Variants in KLHL32 observed in about 807,000 individuals in gnomAD.
KLHL32 encodes kelch like family member 32, also known as kelch-like protein 32.
Under a neutral mutation model 64.8 loss-of-function variants are expected in KLHL32, and 35 were observed. The observed-to-expected ratio is 0.54, with a 90% CI of 0.41 to 0.72. The LOEUF (loss-of-function observed/expected upper bound fraction) is 0.72. Among genes scored for constraint, KLHL32 ranks in the 30% least tolerant of loss-of-function variants. The pLI is 0.00. For missense variants in KLHL32, 589 were observed against 768.5 expected (o/e 0.77, Z 2.76); for synonymous variants, 259 against 281.0 (o/e 0.92, Z 0.78).
At position 96,973,730 on chromosome 6, in the gene KLHL32, C is replaced by CTTTTTTT. The variant is rs558193523; in HGVS notation, c.24-2262_24-2256dup. Among the ~76,000 whole-genome samples, 279 of 118,274 alleles carry CTTTTTTT rather than the reference C, an allele frequency of 2.4e-3. 14 individuals are homozygous for CTTTTTTT. The highest frequency in any genetic ancestry group is 7.0e-3 in the African/African-American group (214 of 30,776). 77.6% of individuals were successfully genotyped at this position (118,274 alleles called of 152,430 possible). On this transcript the variant is annotated intron_variant, in intron 2 of 10. Coordinates refer to ENST00000369261, the MANE Select transcript of KLHL32 (RefSeq NM_052904.4). ...GATTTTTGAGATCTTTACAGATTGC[C>CTTTTTTT]TTTTTTTTTTTAGACAGAGTCTCGC...
intron 4 of KLHL32, among the ~76,000 whole-genome samples, chr6:97,063,276 T>C (rs1789200636): frequency 6.6e-6 from 1 of 152,190 alleles, no homozygotes; most frequent in Non-Finnish European, 1.5e-5. Context: ...TCCGAAACTA[T>C]TTTGAAGATA....
At chr6:96,958,388 T>C (rs1432617147) in intron 1 of KLHL32, among the ~76,000 whole-genome samples, 1 of 152,092 alleles carries the variant, frequency 6.6e-6, no homozygotes, top group Non-Finnish European at 1.5e-5. Context: ...ATCTGAAACC[T>C]GCAGGATGAA....
intron 3 of KLHL32, 47 bp downstream of exon 3, chr6:96,976,224 A>G: frequency 2.7e-6 from 4 of 1,467,564 alleles, no homozygotes; most frequent in Non-Finnish European, 3.7e-6. Context: ...TAAAGAGAGG[A>G]TGACAATGTT....
chr6:96,904,526 G>A, the KLHL32 span, among the ~76,000 whole-genome samples: 1 of 152,130 alleles, frequency 6.6e-6, no homozygotes, highest in African/African-American at 2.4e-5. Context: ...AGACATACCA[G>A]GTTCCTTGAT....
chr6:96,991,282 G>C (rs370243164), intron 3 of KLHL32, among the ~76,000 whole-genome samples: 196 of 152,246 alleles, frequency 1.3e-3, no homozygotes, highest in African/African-American at 4.4e-3. Context: ...AGCTGGGGGT[G>C]GGGTGTCTGC....
chr6:97,107,441 T>A (rs1306305312), intron 6 of KLHL32, among the ~76,000 whole-genome samples: 1 of 152,242 alleles, frequency 6.6e-6, no homozygotes, highest in Non-Finnish European at 1.5e-5. Context: ...GCTTTTCTGC[T>A]AATTCATTGT....
the KLHL32 span, among the ~76,000 whole-genome samples, chr6:96,910,885 T>C: frequency 6.6e-6 from 1 of 152,208 alleles, no homozygotes; most frequent in Non-Finnish European, 1.5e-5. Flanking sequence ...GGATAATTAA[T>C]TGCCAATTTT....
intron 7 of KLHL32, among the ~76,000 whole-genome samples, chr6:97,124,245 C>T (rs1242675450): frequency 6.6e-6 from 1 of 152,180 alleles, no homozygotes; most frequent in Non-Finnish European, 1.5e-5. Flanking sequence ...TTGTTAGGCA[C>T]CTCCTGTGGT....
At chr6:97,084,986 CT>C (rs111594320) in intron 5 of KLHL32, 139 bp from the exon 6 acceptor site, 37,675 of 444,218 alleles carry the variant, frequency 0.085, no homozygotes, top group Middle Eastern at 0.13. Flanking sequence ...ATTGTGATTT[CT>C]TTTTTTTTTT....
rs573363387 is a variant in KLHL32 at position 96,946,985 on chromosome 6, G to T, written c.-65-20011G>T. On this transcript the variant is annotated intron_variant, in intron 1 of 10. Transcript: ENST00000369261. ...TATTTAATTCTAAACTTCCTTAGTA[G>T]TCATTGTGAAAAAAGCAGCTTGATT... is the stretch of plus-strand genomic sequence containing the variant. Among the ~76,000 whole-genome samples, 225 of 152,276 alleles carry T rather than the reference G, an allele frequency of 1.5e-3. 1 individual carries two copies. Among genetic ancestry groups the T allele is most frequent in the Non-Finnish European group, 2.8e-3 (191 of 68,022 alleles).
At chr6:97,061,493 G>T (rs771640256) in intron 4 of KLHL32, among the ~76,000 whole-genome samples, 1 of 152,152 alleles carries the variant, frequency 6.6e-6, no homozygotes, top group Non-Finnish European at 1.5e-5. Context: ...GTGACTGGAT[G>T]TGTCAGGCCA....
intron 3 of KLHL32, among the ~76,000 whole-genome samples, chr6:96,980,727 T>C (rs374068275): frequency 6.6e-6 from 1 of 152,140 alleles, no homozygotes; most frequent in African/African-American, 2.4e-5. Flanking sequence ...GTAGTTTTAG[T>C]AGGAATTGTA....
At chr6:97,113,697 A>T (rs1797475644) in intron 6 of KLHL32, 86 bp from the exon 7 acceptor site, 1 of 1,442,066 alleles carries the variant, frequency 6.9e-7, no homozygotes, top group Admixed American at 2.0e-5. Flanking sequence ...TGCCTGGAAG[A>T]ATACAGGTAA....
At chr6:96,999,776 T>A (rs545208260) in intron 3 of KLHL32, among the ~76,000 whole-genome samples, 1 of 152,244 alleles carries the variant, frequency 6.6e-6, no homozygotes, top group Non-Finnish European at 1.5e-5. Flanking sequence ...GCTTCTTTAT[T>A]ATGGTTCTTA....
chr6:96,919,923 G>C (rs1465454023), upstream of KLHL32, among the ~76,000 whole-genome samples: 1 of 152,204 alleles, frequency 6.6e-6, no homozygotes, highest in Non-Finnish European at 1.5e-5. Flanking sequence ...ACTTGCCTCA[G>C]TGGAGGGATA....
At chr6:97,081,065 A>T (rs1465333021) in intron 5 of KLHL32, among the ~76,000 whole-genome samples, 2 of 152,166 alleles carry the variant, frequency 1.3e-5, no homozygotes, top group Non-Finnish European at 2.9e-5. Flanking sequence ...GGAGACAATT[A>T]CCATTGAAAA....
intron 5 of KLHL32, among the ~76,000 whole-genome samples, chr6:97,069,146 A>G (rs1790296456): frequency 6.6e-6 from 1 of 152,168 alleles, no homozygotes. Context: ...GAGTAAAGCA[A>G]AGCCCAAATT....
At chr6:97,020,710 T>C (rs1781871192) in intron 3 of KLHL32, among the ~76,000 whole-genome samples, 2 of 151,034 alleles carry the variant, frequency 1.3e-5, no homozygotes, top group Non-Finnish European at 2.9e-5. Context: ...GTCCTCATTT[T>C]CCTCAACGCA....
intron 4 of KLHL32, among the ~76,000 whole-genome samples, chr6:97,043,890 T>G (rs1458177176): frequency 6.6e-6 from 1 of 152,152 alleles, no homozygotes; most frequent in African/African-American, 2.4e-5. Flanking sequence ...GCTTTTTGAT[T>G]GGGTTATTTA....
Sources: allele counts gnomAD v4.1 joint callset (sites outside exome capture counted in the v4.1 genomes callset), GRCh38; gene constraint gnomAD v4.1.1; transcripts MANE v1.5; gene names NCBI Gene and HGNC (gene_info 2026-07-23, HGNC 2026-07-21).